Variants in CDH4 observed in about 807,000 individuals in gnomAD.
CDH4 encodes cadherin 4, also known as cadherin-4.
CDH4 carries 33 observed loss-of-function variants against 86.0 expected under a neutral mutation model. The observed-to-expected ratio is 0.38, with a 90% confidence interval of 0.29 to 0.51. The LOEUF (loss-of-function observed/expected upper bound fraction) is 0.51, where lower values mean the gene tolerates loss of function less well. Among genes scored for constraint, CDH4 ranks in the 20% least tolerant of loss-of-function variants. CDH4 has a pLI of 0.86. For synonymous variants in CDH4, 555 were observed against 549.4 expected (o/e 1.01, Z -0.14); for missense variants, 1,114 against 1,307.4 (o/e 0.85, Z 2.28).
intron 2 of CDH4, among the ~76,000 whole-genome samples, chr20:61,627,971 G>A (rs1377949874): frequency 1.3e-5 from 2 of 152,070 alleles, no homozygotes; most frequent in African/African-American, 2.4e-5. Flanking sequence ...GCCTTTCAGG[G>A]GTCTGCGCCC....
At chr20:61,322,032 A>C (rs2084511566) in intron 2 of CDH4, among the ~76,000 whole-genome samples, 1 of 152,176 alleles carries the variant, frequency 6.6e-6, no homozygotes, top group Non-Finnish European at 1.5e-5. Context: ...TTGAACATGA[A>C]ACCCCATGCT....
At chr20:61,919,011 C>T (rs1169340432) in intron 9 of CDH4, among the ~76,000 whole-genome samples, 1 of 152,216 alleles carries the variant, frequency 6.6e-6, no homozygotes, top group Non-Finnish European at 1.5e-5. Context: ...GCTGGGACTA[C>T]AGGTGTGTGC....
rs6142782 is a variant in CDH4, at chr20:61,501,076, G to A, written c.170-242487G>A. The stretch of plus-strand genomic sequence containing the variant: ...GAGAGAACTTTCTTCTCCGACAGAC[G>A]GTTCATGATTTCCAAGGTCTTCTCT... On this transcript the variant is annotated intron_variant, in intron 2 of 15. Coordinates refer to ENST00000614565, the MANE Select transcript of CDH4 (RefSeq NM_001794.5). This position sits in a 1 kb window ranked among gnomAD's most constrained non-coding sequence, Gnocchi z 4.2. Among the ~76,000 whole-genome samples, 27 of 152,282 alleles carry A rather than the reference G, an allele frequency of 1.8e-4. No homozygotes were observed. The East Asian group carries it at 4.6e-3, about 26-fold the overall frequency.
In CDH4 at chr20:61,643,405, A is replaced by G. The variant is rs75094665; in HGVS notation, c.170-100158A>G. ...AATATGAGTCCCAGAGGGGACAAAC[A>G]TTGAAACCATAGCACCGTGTAAGGT... On this transcript the variant is annotated intron_variant, in intron 2 of 15. Transcript: ENST00000614565. Among the ~76,000 whole-genome samples the G allele has an allele frequency of 9.8e-3, 1,494 of 152,338 alleles. 24 individuals carry two copies. The highest frequency in any genetic ancestry group is 0.034 in the African/African-American group (1,407 of 41,580).
At chr20:61,849,826 T>C (rs2153933) in intron 5 of CDH4, among the ~76,000 whole-genome samples, 68,872 of 152,074 alleles carry the variant, frequency 0.45, 17,471 homozygotes, top group Non-Finnish European at 0.58. Flanking sequence ...TTGGATGGCG[T>C]CCACCCAGCC....
intron 6 of CDH4, among the ~76,000 whole-genome samples, chr20:61,864,477 C>A (rs1279901989): frequency 6.9e-6 from 1 of 145,578 alleles, no homozygotes; most frequent in East Asian, 2.0e-4. Flanking sequence ...CCCCCAGAAA[C>A]ACAAGAAAAC....
At chr20:61,820,228 G>A (rs1338950255) in intron 4 of CDH4, among the ~76,000 whole-genome samples, 1 of 151,920 alleles carries the variant, frequency 6.6e-6, no homozygotes, top group Non-Finnish European at 1.5e-5. Context: ...CTGCTGCCTG[G>A]CATGAGAACT....
In CDH4 at chr20:61,563,182, C is replaced by A. The variant is rs559159964; in HGVS notation, c.170-180381C>A. On this transcript the variant is annotated intron_variant, in intron 2 of 15. Coordinates refer to ENST00000614565, the MANE Select transcript of CDH4 (RefSeq NM_001794.5). ...TCTACACAAGGGCCCACGGGGAGCC[C>A]AGGCTTGGCACTGCCCAGCGGCAGC... Among the ~76,000 whole-genome samples, 18 of 152,372 alleles carry A rather than the reference C, an allele frequency of 1.2e-4. No homozygotes were observed. The South Asian group carries it at 3.5e-3, about 30-fold the overall frequency.
chr20:61,262,720 A>G (rs974006253), intron 2 of CDH4, among the ~76,000 whole-genome samples: 15 of 152,062 alleles, frequency 9.9e-5, no homozygotes, highest in African/African-American at 3.6e-4. Context: ...ATGGAGGTGG[A>G]TAAAGGAAAG....
rs779983600 is a variant in CDH4, at chr20:61,933,112, C to T, written c.2367C>T (p.Gly789=). 6.2e-6 allele frequency: 10 copies of T among 1,612,698 alleles called. No homozygotes were observed. The highest frequency in any genetic ancestry group is 2.7e-5 in the African/African-American group (2 of 74,940). The change falls in exon 14 of 16, where the codon GGC becomes GGT. Residue 789 remains glycine, a synonymous_variant. Coordinates refer to ENST00000614565, the MANE Select transcript of CDH4 (RefSeq NM_001794.5). Reference sequence around the variant, plus strand: ...TCAAGTATGACGAGGAAGGCGGTGGCGAGGAGGACCAGGTGAGACTGCGGC... The same window carrying T: ...TCAAGTATGACGAGGAAGGCGGTGGTGAGGAGGACCAGGTGAGACTGCGGC... ...NILKYDEEGG[G]EEDQDYDLSQ...
At chr20:61,368,446 C>A (rs2084822617) in intron 2 of CDH4, among the ~76,000 whole-genome samples, 1 of 152,180 alleles carries the variant, frequency 6.6e-6, no homozygotes, top group African/African-American at 2.4e-5. Context: ...GAAGCCTGCA[C>A]CAGACACTGA....
Position 61,496,265 on chromosome 20 carries a change from G to A in CDH4, c.169+241328G>A, listed in dbSNP as rs192539729. Among the ~76,000 whole-genome samples the A allele has an allele frequency of 4.6e-5, 7 of 152,186 alleles. 1 individual carries two copies. The highest frequency in any genetic ancestry group is 3.9e-4 in the Admixed American group (6 of 15,290). On this transcript the variant is annotated intron_variant, in intron 2 of 15. Coordinates refer to ENST00000614565, the MANE Select transcript of CDH4 (RefSeq NM_001794.5). Reference sequence around the variant, plus strand: ...AAAAAATTAAAAATTAGCTGGGCATGGTGGTGTGTGCCTGTATTCCCAGGT... The same window carrying A: ...AAAAAATTAAAAATTAGCTGGGCATAGTGGTGTGTGCCTGTATTCCCAGGT...
intron 12 of CDH4, among the ~76,000 whole-genome samples, chr20:61,929,142 G>T (rs1370048049): frequency 6.9e-6 from 1 of 145,308 alleles, no homozygotes; most frequent in Non-Finnish European, 1.5e-5. Flanking sequence ...ATTGCTTTTT[G>T]GTTGTGTCTC....
intron 2 of CDH4, among the ~76,000 whole-genome samples, chr20:61,689,017 C>A (rs1437317769): frequency 6.6e-6 from 1 of 152,268 alleles, no homozygotes; most frequent in Non-Finnish European, 1.5e-5. Flanking sequence ...GCTCCCTCCT[C>A]GCCTTCCCTG....
At chr20:61,565,515 G>A (rs995241782) in intron 2 of CDH4, among the ~76,000 whole-genome samples, 3 of 151,924 alleles carry the variant, frequency 2.0e-5, no homozygotes, top group African/African-American at 7.3e-5. Context: ...GGCTGTTTCA[G>A]GCATTTCTTC....
intron 13 of CDH4, among the ~76,000 whole-genome samples, chr20:61,930,875 C>T (rs1366508186): frequency 1.3e-5 from 2 of 152,236 alleles, no homozygotes; most frequent in African/African-American, 4.8e-5. Context: ...CTGGAAACAC[C>T]GGGGGCCAGG....
At chr20:61,600,350 A>G (rs2086590379) in intron 2 of CDH4, among the ~76,000 whole-genome samples, 1 of 152,192 alleles carries the variant, frequency 6.6e-6, no homozygotes, top group African/African-American at 2.4e-5. Context: ...TCTGCAGCTC[A>G]TCTCCTGCGA....
intron 2 of CDH4, among the ~76,000 whole-genome samples, chr20:61,452,252 T>A (rs1390960819): frequency 6.6e-6 from 1 of 152,176 alleles, no homozygotes; most frequent in Non-Finnish European, 1.5e-5. Flanking sequence ...TTGGAATTAA[T>A]CTCGTGTCAG....
chr20:61,329,611 G>A (rs926079541), intron 2 of CDH4, among the ~76,000 whole-genome samples: 2 of 151,242 alleles, frequency 1.3e-5, no homozygotes, highest in Non-Finnish European at 3.0e-5. Flanking sequence ...AGAAAGCTGA[G>A]TGAGCCTGTG....
Sources: allele counts gnomAD v4.1 joint callset (sites outside exome capture counted in the v4.1 genomes callset), GRCh38; gene constraint gnomAD v4.1.1; non-coding constraint Gnocchi (gnomAD v3.1); transcripts MANE v1.5; gene names NCBI Gene and HGNC (gene_info 2026-07-23, HGNC 2026-07-21).